The following FMN2 variants were observed in gnomAD, a reference collection of about 807,000 sequenced individuals.
FMN2 encodes the protein formin 2, also known as formin-2.
A neutral mutation model predicts 142.3 loss-of-function variants in FMN2; 51 were observed. The ratio of observed to expected loss-of-function variants is 0.36; its 90% CI spans 0.29 to 0.45. The LOEUF is 0.45. Among genes scored for constraint, FMN2 ranks in the 20% least tolerant of loss-of-function variants. The probability of loss-of-function intolerance (pLI) is 1.00; values close to 1 mark genes in which losing one functional copy is unlikely to be tolerated. For synonymous variants in FMN2, 882 were observed against 869.8 expected (o/e 1.01, Z -0.25); for missense variants, 1,936 against 2,122.8 (o/e 0.91, Z 1.73).
At chr1:240,191,039 G>T (rs548774423) in intron 4 of FMN2, among the ~76,000 whole-genome samples, 15 of 152,284 alleles carry the variant, frequency 9.9e-5, no homozygotes, top group African/African-American at 3.6e-4. Context: ...CAGTATGAAT[G>T]ATGAACCTAA....
Position 240,286,868 on chromosome 1 carries a change from G to A in FMN2, c.4154-7954G>A, listed in dbSNP as rs12036355. Among the ~76,000 whole-genome samples, 9 of 152,222 alleles carry A rather than the reference G, an allele frequency of 5.9e-5. No individual in the cohort carries two copies. The East Asian group carries it at 1.2e-3, about 20-fold the overall frequency. On this transcript the variant is annotated intron_variant, in intron 7 of 17. Coordinates refer to ENST00000319653, the MANE Select transcript of FMN2 (RefSeq NM_020066.5). Reference sequence around the variant, plus strand: ...TTGAGGATCTTTTACACCTGACAACGCAGTTCTTTCTGCTGTTTGCACAAG... The same window carrying A: ...TTGAGGATCTTTTACACCTGACAACACAGTTCTTTCTGCTGTTTGCACAAG...
intron 14 of FMN2, among the ~76,000 whole-genome samples, chr1:240,359,030 C>A (rs1672376069): frequency 6.6e-6 from 1 of 152,080 alleles, no homozygotes; most frequent in Non-Finnish European, 1.5e-5. Flanking sequence ...GAGACTGAGG[C>A]ATGAGAATCA....
At chr1:240,160,113 A>C (rs1043117171) in intron 2 of FMN2, among the ~76,000 whole-genome samples, 1 of 150,916 alleles carries the variant, frequency 6.6e-6, no homozygotes, top group Admixed American at 6.6e-5. Context: ...TTCATTGGTG[A>C]ATTCTACCAA....
chr1:240,239,807 C>G (rs1667829833), intron 6 of FMN2, among the ~76,000 whole-genome samples: 1 of 152,162 alleles, frequency 6.6e-6, no homozygotes, highest in Non-Finnish European at 1.5e-5. Flanking sequence ...TTATGTGATT[C>G]TAGTCAATAA....
chr1:240,212,221 C>T (rs1476136717), intron 6 of FMN2, among the ~76,000 whole-genome samples: 2 of 152,074 alleles, frequency 1.3e-5, no homozygotes, highest in African/African-American at 2.4e-5. Flanking sequence ...GAGTTGTTTC[C>T]ATTGATATTT....
chr1:240,212,597 C>T (rs562264758), intron 6 of FMN2, among the ~76,000 whole-genome samples: 1 of 152,284 alleles, frequency 6.6e-6, no homozygotes, highest in African/African-American at 2.4e-5. Context: ...CAGAAGGTTA[C>T]TCATTTCATA....
chr1:240,448,594 T>C (rs1675903057), intron 16 of FMN2, among the ~76,000 whole-genome samples: 1 of 151,994 alleles, frequency 6.6e-6, no homozygotes, highest in South Asian at 2.1e-4. Context: ...GGGAGGACAA[T>C]TACTTGAGCC....
intron 6 of FMN2, among the ~76,000 whole-genome samples, chr1:240,216,719 T>C (rs541064312): frequency 4.5e-4 from 69 of 152,220 alleles, no homozygotes; most frequent in Middle Eastern, 6.8e-3. Flanking sequence ...AAAAAGACTT[T>C]TTAAAAATGT....
At chr1:240,415,826 T>G (rs899345966) in intron 15 of FMN2, among the ~76,000 whole-genome samples, 1 of 152,214 alleles carries the variant, frequency 6.6e-6, no homozygotes, top group Admixed American at 6.5e-5. Flanking sequence ...CAAAGTTTAT[T>G]AAGATACATC....
At chr1:240,353,424 C>T (rs980200711) in intron 13 of FMN2, among the ~76,000 whole-genome samples, 2 of 152,168 alleles carry the variant, frequency 1.3e-5, no homozygotes, top group Non-Finnish European at 2.9e-5. Context: ...ACCCTGTCTG[C>T]TAGATTCCAA....
chr1:240,468,166 G>A (rs1232084933), intron 16 of FMN2, among the ~76,000 whole-genome samples: 1 of 151,354 alleles, frequency 6.6e-6, no homozygotes, highest in Non-Finnish European at 1.5e-5. Flanking sequence ...GCCCTGGGTA[G>A]TCCCCCTTTG....
intron 3 of FMN2, among the ~76,000 whole-genome samples, chr1:240,184,934 T>C (rs552540670): frequency 7.4e-5 from 11 of 147,732 alleles, no homozygotes; most frequent in African/African-American, 2.7e-4. Flanking sequence ...CTTTACTTTC[T>C]CCCTCCTATA....
At chr1:240,244,130 G>A (rs1327685423) in intron 6 of FMN2, among the ~76,000 whole-genome samples, 1 of 152,078 alleles carries the variant, frequency 6.6e-6, no homozygotes, top group East Asian at 1.9e-4. Context: ...TTGCCTTATT[G>A]GATCTGGCCA....
In FMN2 at chr1:240,238,285, A is replaced by G. The variant is rs114623890; in HGVS notation, c.4066-19660A>G. Among the ~76,000 whole-genome samples the G allele has an allele frequency of 7.7e-3, 1,173 of 152,246 alleles. 21 individuals carry two copies. The highest frequency in any genetic ancestry group is 0.027 in the African/African-American group (1,120 of 41,584). ...TTAGAATGACATCATTTAGCTATCT[A>G]TTAGATATTCAATAGAGATATTTAT... is the stretch of plus-strand genomic sequence containing the variant. On this transcript the variant is annotated intron_variant, in intron 6 of 17. Coordinates refer to ENST00000319653, the MANE Select transcript of FMN2 (RefSeq NM_020066.5).
chr1:240,466,446 A>C (rs1359811785), intron 16 of FMN2, among the ~76,000 whole-genome samples: 1 of 152,196 alleles, frequency 6.6e-6, no homozygotes, highest in South Asian at 2.1e-4. Context: ...ATTTTTTTAA[A>C]GGTAAATTTG....
intron 8 of FMN2, among the ~76,000 whole-genome samples, chr1:240,307,500 G>T (rs552905884): frequency 6.6e-6 from 1 of 152,260 alleles, no homozygotes; most frequent in South Asian, 2.1e-4. Context: ...ATTGAACAGG[G>T]TGTCCTTTCT....
At chr1:240,139,948 G>C (rs149488229) in intron 2 of FMN2, among the ~76,000 whole-genome samples, 1 of 152,288 alleles carries the variant, frequency 6.6e-6, no homozygotes, top group East Asian at 1.9e-4. Flanking sequence ...GGGGAGCCAA[G>C]ATTCTCAAGG....
chr1:240,351,026 C>T (rs1672078188), intron 13 of FMN2, among the ~76,000 whole-genome samples: 1 of 152,116 alleles, frequency 6.6e-6, no homozygotes. Flanking sequence ...ACTGGTAATA[C>T]AGCAAAGTGA....
At chr1:240,192,515 A>G (rs544353557) in intron 4 of FMN2, among the ~76,000 whole-genome samples, 8 of 152,350 alleles carry the variant, frequency 5.3e-5, no homozygotes, top group East Asian at 1.9e-4. Flanking sequence ...TTGGAAACCA[A>G]CAAAACAATA....
Sources: allele counts gnomAD v4.1 joint callset (sites outside exome capture counted in the v4.1 genomes callset), GRCh38; gene constraint gnomAD v4.1.1; transcripts MANE v1.5; gene names NCBI Gene and HGNC (gene_info 2026-07-23, HGNC 2026-07-21).